Variants in ITCH observed in about 807,000 individuals in gnomAD.
ITCH encodes the protein E3 ubiquitin-protein ligase Itchy homolog.
Under a neutral mutation model 126.8 loss-of-function variants are expected in ITCH, and 28 were observed. That is an observed-to-expected ratio of 0.22 (90% confidence interval 0.16 to 0.30). ITCH has a LOEUF of 0.30. Ranked by LOEUF, ITCH falls within the 10% of genes least tolerant of loss-of-function variation. The probability of loss-of-function intolerance (pLI) is 1.00; values close to 1 mark genes in which losing one functional copy is unlikely to be tolerated. For missense variants in ITCH, 631 were observed against 1,032.4 expected, an observed-to-expected ratio of 0.61 and a Z score of 5.33; for synonymous variants, 342 against 340.0, an observed-to-expected ratio of 1.01 and a Z score of -0.06.
At chr20:34,393,673 A>G in intron 2 of ITCH, 118 bp from the exon 3 acceptor site, 2 of 742,072 alleles carry the variant, frequency 2.7e-6, no homozygotes, top group Non-Finnish European at 5.0e-6. Context: ...AATTGTGTTT[A>G]GTAATGTAAA....
intron 24 of ITCH, among the ~76,000 whole-genome samples, chr20:34,506,541 A>G (rs1990628662): frequency 6.6e-6 from 1 of 152,198 alleles, no homozygotes; most frequent in African/African-American, 2.4e-5. Context: ...TCATAGGAGC[A>G]ATAACTATTG....
intron 3 of ITCH, among the ~76,000 whole-genome samples, chr20:34,396,849 C>T (rs889235560): frequency 1.2e-4 from 18 of 151,996 alleles, no homozygotes; most frequent in African/African-American, 3.6e-4. Flanking sequence ...TTTATTTCTT[C>T]CTCTAATCAT....
At chr20:34,467,678 ATTTTTTT>A (rs147009659) in intron 14 of ITCH, among the ~76,000 whole-genome samples, 4 of 98,054 alleles carry the variant, frequency 4.1e-5, no homozygotes, top group East Asian at 2.9e-4. Context: ...TTTCTTTTTC[ATTTTTTT>A]TTTTTTTTTT....
chr20:34,476,620 T>C, intron 16 of ITCH: 1 of 437,246 alleles, frequency 2.3e-6, no homozygotes, highest in Non-Finnish European at 3.4e-6. Context: ...TTGAAGTTTT[T>C]TGTTACATCT....
In ITCH at chr20:34,487,782, T is replaced by C. The variant is rs1314441590; in HGVS notation, c.2094-1484T>C. Among the ~76,000 whole-genome samples the C allele has an allele frequency of 2.0e-5, 3 of 151,964 alleles. No homozygotes were observed. The East Asian group carries it at 5.8e-4, about 29-fold the overall frequency. On this transcript the variant is annotated intron_variant, in intron 20 of 24. Coordinates refer to ENST00000374864, the MANE Select transcript of ITCH (RefSeq NM_031483.7). ...GATGAAACCCCGTCTCTACTAAAAA[T>C]ACAAAAATCAACTAGGCATGGTGGC...
chr20:34,393,119 T>C (rs1413610815), intron 2 of ITCH, among the ~76,000 whole-genome samples: 1 of 152,210 alleles, frequency 6.6e-6, no homozygotes. Flanking sequence ...CTCCAATTTA[T>C]CTGCCTGCGT....
At chr20:34,388,760 A>G (rs1203677272) in intron 2 of ITCH, among the ~76,000 whole-genome samples, 1 of 152,194 alleles carries the variant, frequency 6.6e-6, no homozygotes, top group Non-Finnish European at 1.5e-5. Context: ...TTCTCCTCCA[A>G]ATGAGAGCAC....
chr20:34,497,072 C>G (rs1016991485), intron 23 of ITCH, among the ~76,000 whole-genome samples: 1 of 151,952 alleles, frequency 6.6e-6, no homozygotes, highest in South Asian at 2.1e-4. Context: ...TCTCGGCTCC[C>G]CACAACCTCC....
chr20:34,437,920 A>T (rs1983231725), intron 7 of ITCH, among the ~76,000 whole-genome samples: 1 of 152,194 alleles, frequency 6.6e-6, no homozygotes, highest in South Asian at 2.1e-4. Flanking sequence ...CTTTAAAAAA[A>T]GTCTGTGGTT....
At chr20:34,436,748 G>C (rs190332128) in intron 7 of ITCH, among the ~76,000 whole-genome samples, 37 of 152,340 alleles carry the variant, frequency 2.4e-4, no homozygotes, top group Middle Eastern at 3.4e-3. Flanking sequence ...CTCCTGTATA[G>C]TGCTCGTCCG....
intron 2 of ITCH, among the ~76,000 whole-genome samples, chr20:34,375,933 AGT>A (rs1192726598): frequency 6.6e-6 from 1 of 152,030 alleles, no homozygotes; most frequent in East Asian, 1.9e-4. Flanking sequence ...TGTACAATTC[AGT>A]GTTGGCTTAC....
chr20:34,502,644 A>C (rs888411503), intron 23 of ITCH, among the ~76,000 whole-genome samples: 1 of 151,728 alleles, frequency 6.6e-6, no homozygotes, highest in Non-Finnish European at 1.5e-5. Context: ...TGGGAGGCGG[A>C]GGTTGTGGTG....
chr20:34,501,033 A>G, intron 23 of ITCH, among the ~76,000 whole-genome samples: 1 of 152,184 alleles, frequency 6.6e-6, no homozygotes, highest in Middle Eastern at 3.2e-3. Flanking sequence ...CTTGGCTGCC[A>G]ATTTTTTTCT....
chr20:34,470,836 C>T (rs1987553289), intron 15 of ITCH, among the ~76,000 whole-genome samples: 1 of 152,202 alleles, frequency 6.6e-6, no homozygotes, highest in Non-Finnish European at 1.5e-5. Flanking sequence ...CCTCCTGCCT[C>T]ATCTTCCCCA....
At chr20:34,484,197 A>G (rs1417439141) in intron 20 of ITCH, among the ~76,000 whole-genome samples, 1 of 152,212 alleles carries the variant, frequency 6.6e-6, no homozygotes, top group Non-Finnish European at 1.5e-5. Context: ...GTTTTATAGT[A>G]TATCCTTTCT....
chr20:34,506,668 C>A (rs1990637077), intron 24 of ITCH, among the ~76,000 whole-genome samples: 1 of 152,208 alleles, frequency 6.6e-6, no homozygotes, highest in South Asian at 2.1e-4. Flanking sequence ...GAAAAATTGT[C>A]TTCCACAAAA....
chr20:34,402,409 C>T (rs1259045355), intron 3 of ITCH: 1 of 775,338 alleles, frequency 1.3e-6, no homozygotes, highest in Non-Finnish European at 2.4e-6. Context: ...AGTCTTTGGA[C>T]AGTGGCACCC....
At chr20:34,446,040 C>T (rs549846143) in intron 11 of ITCH, among the ~76,000 whole-genome samples, 1 of 152,076 alleles carries the variant, frequency 6.6e-6, no homozygotes, top group Non-Finnish European at 1.5e-5. Flanking sequence ...ACATATTTTC[C>T]TGTAGAGCAA....
chr20:34,381,377 G>C (rs2038056003), intron 2 of ITCH, among the ~76,000 whole-genome samples: 1 of 151,910 alleles, frequency 6.6e-6, no homozygotes, highest in South Asian at 2.1e-4. Flanking sequence ...CCACCTCCCA[G>C]GATCAAGTGA....
Sources: gnomAD v4.1 joint callset for allele counts (sites outside exome capture counted in the v4.1 genomes callset) on GRCh38, gnomAD v4.1.1 for gene constraint, MANE v1.5 for transcripts, NCBI Gene and HGNC (gene_info 2026-07-23, HGNC 2026-07-21) for gene names.